MICAL2: variants seen among roughly 807,000 people sequenced by gnomAD.
MICAL2 encodes microtubule associated monooxygenase, calponin and LIM domain containing 2.
In MICAL2, 77 loss-of-function variants were observed where a neutral mutation model predicts 127.3. The ratio of observed to expected loss-of-function variants is 0.60; its 90% CI spans 0.50 to 0.73. MICAL2 has a LOEUF of 0.73. MICAL2 is among the 30% of genes least tolerant of loss of function. The pLI, the probability that MICAL2 is intolerant of heterozygous loss-of-function variation, is 0.00. For synonymous variants in MICAL2, 570 were observed against 551.1 expected, an observed-to-expected ratio of 1.03 and a Z score of -0.48; for missense variants, 1,351 against 1,434.4, an observed-to-expected ratio of 0.94 and a Z score of 0.94.
intron 1 of MICAL2, among the ~76,000 whole-genome samples, chr11:12,278,395 G>A (rs1466028781): frequency 1.3e-5 from 2 of 152,050 alleles, no homozygotes; most frequent in South Asian, 2.1e-4. Context: ...CAGCATCACT[G>A]CAAACACGTG....
chr11:12,148,251 G>A (rs1402191365), intron 2 of MICAL2, among the ~76,000 whole-genome samples: 2 of 152,170 alleles, frequency 1.3e-5, no homozygotes, highest in African/African-American at 4.8e-5. Flanking sequence ...GCACCATGGA[G>A]CTGACTGGGC....
At chr11:12,135,054 T>C (rs925666217) in intron 1 of MICAL2, among the ~76,000 whole-genome samples, 2 of 152,032 alleles carry the variant, frequency 1.3e-5, no homozygotes, top group Non-Finnish European at 2.9e-5. Context: ...AGTTTTCAGA[T>C]TGGAATTTGG....
intron 32 of MICAL2, among the ~76,000 whole-genome samples, chr11:12,346,165 A>G (rs1938950987): frequency 6.6e-6 from 1 of 152,192 alleles, no homozygotes; most frequent in Admixed American, 6.5e-5. Flanking sequence ...CCCATGGATA[A>G]TTATAGAGCA....
intron 32 of MICAL2, among the ~76,000 whole-genome samples, chr11:12,341,165 A>G (rs573328962): frequency 6.6e-6 from 1 of 152,280 alleles, no homozygotes; most frequent in Admixed American, 6.5e-5. Flanking sequence ...AGGGACCGAA[A>G]CCCAGCCATT....
Position 12,162,191 on chromosome 11 carries a change from G to A in MICAL2, c.36G>A (p.Ala12=), listed in dbSNP as rs142020972. 1.7e-5 allele frequency: 27 copies of A among 1,614,058 alleles called. No individual in the cohort carries two copies. The highest frequency in any genetic ancestry group is 3.3e-5 in the Admixed American group (2 of 60,008). ...ACGAGGATGAGAAGCAGGCCCAGGC[G>A]GGGCAGGTTTTTGAGAACTTTGTCC... is the stretch of plus-strand genomic sequence containing the variant. ...GENEDEKQAQ[A]GQVFENFVQA... The change falls in exon 3 of 28, where the codon GCG becomes GCA. Residue 12 remains alanine, a synonymous_variant. Coordinates refer to ENST00000683283, the MANE Select transcript of MICAL2 (RefSeq NM_001282663.2).
At chr11:12,189,299 TTTG>T (rs1450572676) in intron 3 of MICAL2, among the ~76,000 whole-genome samples, 2 of 152,128 alleles carry the variant, frequency 1.3e-5, no homozygotes, top group Non-Finnish European at 2.9e-5. Context: ...TGATGTTTTT[TTTG>T]TTTTGTTTTT....
chr11:12,293,664 T>G (rs774948121), downstream of MICAL2: 1 of 1,613,882 alleles, frequency 6.2e-7, no homozygotes, highest in Non-Finnish European at 8.5e-7. Flanking sequence ...CCCAGGGAAA[T>G]TCCCCTGTAT....
chr11:12,317,440 G>C (rs928901358), intron 29 of MICAL2, among the ~76,000 whole-genome samples: 1 of 152,154 alleles, frequency 6.6e-6, no homozygotes, highest in African/African-American at 2.4e-5. Context: ...TCCAGAATCA[G>C]TCATTCTAAC....
chr11:12,345,495 T>C (rs532669457), intron 32 of MICAL2, among the ~76,000 whole-genome samples: 3 of 152,360 alleles, frequency 2.0e-5, no homozygotes, highest in Admixed American at 2.0e-4. Flanking sequence ...TAATATCACA[T>C]AAATGTACAG....
Position 12,144,172 on chromosome 11 carries a change from C to T in MICAL2, c.-78+5712C>T, listed in dbSNP as rs539472486. Reference sequence around the variant, plus strand: ...GTATCAACAGTCCCTATCTGCTGCCCGTGGGTTTTGTATCTTTATGAGAAA... The same window carrying T: ...GTATCAACAGTCCCTATCTGCTGCCTGTGGGTTTTGTATCTTTATGAGAAA... On this transcript the variant is annotated intron_variant, in intron 2 of 27. Coordinates refer to ENST00000683283, the MANE Select transcript of MICAL2 (RefSeq NM_001282663.2). Among the ~76,000 whole-genome samples, 22 of 152,224 alleles carry T rather than the reference C, an allele frequency of 1.4e-4. 1 individual carries two copies. The highest frequency in any genetic ancestry group is 1.2e-3 in the Admixed American group (19 of 15,294).
At chr11:12,293,848 G>A (rs2134788320), downstream of MICAL2, 1 of 1,608,130 alleles carries the variant, frequency 6.2e-7, no homozygotes, top group South Asian at 1.1e-5. Flanking sequence ...GGAAGGACAG[G>A]AGCTGGACAG....
At chr11:12,148,991 A>C (rs1192854741) in intron 2 of MICAL2, among the ~76,000 whole-genome samples, 1 of 152,210 alleles carries the variant, frequency 6.6e-6, no homozygotes, top group African/African-American at 2.4e-5. Flanking sequence ...CTCCAGGCTC[A>C]CACACCTAGT....
intron 32 of MICAL2, among the ~76,000 whole-genome samples, chr11:12,340,693 A>T (rs753064620): frequency 2.6e-5 from 4 of 152,238 alleles, no homozygotes; most frequent in African/African-American, 9.6e-5. Context: ...CGAATGTTAT[A>T]TATACAGCAG....
At chr11:12,214,018 G>A (rs952629878) in intron 7 of MICAL2, among the ~76,000 whole-genome samples, 1 of 152,224 alleles carries the variant, frequency 6.6e-6, no homozygotes, top group Non-Finnish European at 1.5e-5. Flanking sequence ...CTGTGTGCCA[G>A]ATGCTGTTCT....
At chr11:12,117,372 C>T (rs1010447586) in intron 1 of MICAL2, among the ~76,000 whole-genome samples, 10 of 152,224 alleles carry the variant, frequency 6.6e-5, no homozygotes, top group East Asian at 1.9e-4. Context: ...GCTGGAGACA[C>T]GAGTGGGAGT....
At chr11:12,183,607 C>G (rs1857763173) in intron 3 of MICAL2, among the ~76,000 whole-genome samples, 1 of 152,162 alleles carries the variant, frequency 6.6e-6, no homozygotes, top group South Asian at 2.1e-4. Context: ...GAGGGACACT[C>G]TTGCTTCAGG....
intron 2 of MICAL2, among the ~76,000 whole-genome samples, chr11:12,142,439 T>A (rs1852442018): frequency 6.6e-6 from 1 of 152,192 alleles, no homozygotes; most frequent in Non-Finnish European, 1.5e-5. Context: ...GCCATTCAAA[T>A]CAAAATCATA....
At chr11:12,272,389 C>T (rs11022271), upstream of MICAL2, among the ~76,000 whole-genome samples, 4 of 152,248 alleles carry the variant, frequency 2.6e-5, no homozygotes, top group South Asian at 2.1e-4. Flanking sequence ...TGTCTTATCA[C>T]GTAGATATTT....
At chr11:12,193,999 T>C (rs4757259) in intron 3 of MICAL2, among the ~76,000 whole-genome samples, 130,259 of 152,214 alleles carry the variant, frequency 0.86, 56,115 homozygotes, top group Non-Finnish European at 0.91. Flanking sequence ...CCTGCAAGGG[T>C]TAAATGAGTG....
Sources: allele counts gnomAD v4.1 joint callset (sites outside exome capture counted in the v4.1 genomes callset), GRCh38; gene constraint gnomAD v4.1.1; transcripts MANE v1.5; gene names NCBI Gene and HGNC (gene_info 2026-07-23, HGNC 2026-07-21).